The following ATXN7L1 variants were observed in gnomAD, a reference collection of about 807,000 sequenced individuals.
The protein encoded by ATXN7L1 is ataxin 7 like 1.
Under a neutral mutation model 70.8 loss-of-function variants are expected in ATXN7L1, and 15 were observed. The ratio of observed to expected loss-of-function variants is 0.21; its 90% CI spans 0.14 to 0.33. The LOEUF (loss-of-function observed/expected upper bound fraction) is 0.33. ATXN7L1 is among the 10% of genes least tolerant of loss of function. ATXN7L1 has a pLI of 1.00. For synonymous variants in ATXN7L1, 440 were observed against 445.1 expected (o/e 0.99, Z 0.14); for missense variants, 975 against 1,097.1 (o/e 0.89, Z 1.57).
chr7:105,720,289 T>A (rs908683511), intron 3 of ATXN7L1, among the ~76,000 whole-genome samples: 1 of 152,158 alleles, frequency 6.6e-6, no homozygotes, highest in African/African-American at 2.4e-5. Context: ...ATCCCAGCAC[T>A]TTGGGAGGCT....
chr7:105,640,322 G>A (rs1280649405), intron 5 of ATXN7L1, among the ~76,000 whole-genome samples: 2 of 152,034 alleles, frequency 1.3e-5, no homozygotes, highest in African/African-American at 4.8e-5. Flanking sequence ...GGAATAAAAC[G>A]GGGCAGGCTG....
chr7:105,714,722 G>A (rs1053108350), intron 3 of ATXN7L1, among the ~76,000 whole-genome samples: 11 of 152,148 alleles, frequency 7.2e-5, no homozygotes, highest in African/African-American at 2.7e-4. Flanking sequence ...GAGTGCAGTG[G>A]CACCATCTCG....
At chr7:105,746,450 T>A (rs1201897718) in intron 3 of ATXN7L1, among the ~76,000 whole-genome samples, 1 of 152,230 alleles carries the variant, frequency 6.6e-6, no homozygotes, top group African/African-American at 2.4e-5. Context: ...CCCAGGGGCA[T>A]GAGAGCCTGG....
chr7:105,829,035 G>A (rs1010764743), intron 2 of ATXN7L1, among the ~76,000 whole-genome samples: 2 of 152,132 alleles, frequency 1.3e-5, no homozygotes, highest in African/African-American at 4.8e-5. Flanking sequence ...GGGAAGATAA[G>A]CAAATATGTA....
In ATXN7L1 at chr7:105,642,949, G is replaced by A; in HGVS notation, c.751C>T (p.Pro251Ser). 6.4e-7 allele frequency: 1 copy of A among 1,551,664 alleles called. No homozygotes were observed. Among genetic ancestry groups the A allele is most frequent in the Non-Finnish European group, 8.7e-7 (1 of 1,146,974 alleles). ...IKPVLMSKSV[P>S]PSPEKILNGK... ...TTTAAGATCTTCTCTGGTGAAGGTGGCACTGACTTGGACATCAGGACAGGC... is the reference window on the plus strand; with the variant it reads ...TTTAAGATCTTCTCTGGTGAAGGTGACACTGACTTGGACATCAGGACAGGC... The change falls in exon 5 of 12, where the codon CCA becomes TCA. Residue 251 changes from proline (P) to serine (S), a missense_variant. Around this residue, in one of 5 missense-constraint regions of ATXN7L1, gnomAD observed 192 missense variants for 215.5 expected, o/e 0.89. Transcript: ENST00000419735.
intron 2 of ATXN7L1, among the ~76,000 whole-genome samples, chr7:105,861,589 G>C (rs1406955892): frequency 6.6e-6 from 1 of 152,064 alleles, no homozygotes; most frequent in Non-Finnish European, 1.5e-5. Context: ...GGGCTGTCTG[G>C]TGCGGCACCC....
chr7:105,847,452 C>T (rs1429813831), intron 2 of ATXN7L1, among the ~76,000 whole-genome samples: 6 of 152,176 alleles, frequency 3.9e-5, no homozygotes, highest in Admixed American at 6.5e-5. Flanking sequence ...GCCTAGAGAA[C>T]AGGTCCAGCT....
chr7:105,652,561 C>T (rs1357712261), intron 4 of ATXN7L1, among the ~76,000 whole-genome samples: 2 of 152,168 alleles, frequency 1.3e-5, no homozygotes, highest in African/African-American at 2.4e-5. Flanking sequence ...TCCTGCTGTT[C>T]GAGCTGTAGG....
intron 3 of ATXN7L1, among the ~76,000 whole-genome samples, chr7:105,726,703 C>G (rs1300126571): frequency 6.6e-6 from 1 of 152,162 alleles, no homozygotes; most frequent in Admixed American, 6.5e-5. Context: ...AGTGAATGAA[C>G]TCATGAGCTT....
At position 105,607,053 on chromosome 7, in the gene ATXN7L1, C is replaced by G. The variant is rs1187022095; in HGVS notation, c.*799G>C. The G allele has an allele frequency of 6.6e-6, 1 of 152,438 alleles. No individual in the cohort carries two copies. The highest frequency in any genetic ancestry group is 1.5e-5 in the Non-Finnish European group (1 of 68,300). 9.4% of individuals were successfully genotyped at this position (152,438 alleles called of 1,614,324 possible). On this transcript the variant is annotated 3_prime_UTR_variant, in exon 12 of 12. Coordinates refer to ENST00000419735, the MANE Select transcript of ATXN7L1 (RefSeq NM_020725.2). ...TGACCAGCTCAGACCACCACAGTCT[C>G]CAGTTTTTTTAGGGATCATCTCCTA...
chr7:105,798,845 G>T (rs1806379143), intron 2 of ATXN7L1, among the ~76,000 whole-genome samples: 1 of 152,224 alleles, frequency 6.6e-6, no homozygotes, highest in Non-Finnish European at 1.5e-5. Context: ...ATGAAAAAAA[G>T]ATAGGAATCC....
chr7:105,800,899 C>G (rs747047370), intron 2 of ATXN7L1, among the ~76,000 whole-genome samples: 2 of 152,144 alleles, frequency 1.3e-5, no homozygotes, highest in Admixed American at 6.5e-5. Context: ...AGCCTGAATT[C>G]GCTAAGTAAA....
intron 2 of ATXN7L1, among the ~76,000 whole-genome samples, chr7:105,795,036 A>G (rs1244008717): frequency 6.6e-6 from 1 of 152,154 alleles, no homozygotes; most frequent in Non-Finnish European, 1.5e-5. Context: ...CTGCTTCCCA[A>G]TAGCACTGAG....
chr7:105,641,328 G>A (rs897757945), intron 5 of ATXN7L1, among the ~76,000 whole-genome samples: 18 of 123,132 alleles, frequency 1.5e-4, no homozygotes, highest in Non-Finnish European at 2.6e-4. Flanking sequence ...CTGGTGTGGT[G>A]TTTTTTTTTT....
At chr7:105,649,442 C>T (rs1799541697) in intron 4 of ATXN7L1, 2 of 987,818 alleles carry the variant, frequency 2.0e-6, no homozygotes, top group Non-Finnish European at 1.2e-6. Flanking sequence ...TTGCCCACGT[C>T]TTCTTCCTTT....
In ATXN7L1 at chr7:105,614,324, C is replaced by G; in HGVS notation, c.2010G>C (p.Leu670=). 22 of 1,552,268 alleles carry G rather than the reference C, an allele frequency of 1.4e-5. No homozygotes were observed. The highest frequency in any genetic ancestry group is 1.9e-5 in the Non-Finnish European group (22 of 1,147,138). Residue 670 remains leucine (L), a synonymous_variant, in exon 10 of 12, where the codon CTG becomes CTC. Transcript: ENST00000419735. This position sits in a 1 kb window ranked among gnomAD's most constrained non-coding sequence, Gnocchi z 4.3. ...SSLQTSLSSP[L]SGPHKKNCVL... ...CACAGTTCTTTTTGTGAGGCCCTGA[C>G]AGTGGAGACGAGAGGGATGTCTGCA...
intron 2 of ATXN7L1, among the ~76,000 whole-genome samples, chr7:105,809,991 C>T (rs149771314): frequency 2.6e-4 from 39 of 152,272 alleles, no homozygotes; most frequent in African/African-American, 6.3e-4. Flanking sequence ...AGGCTGGCCT[C>T]GAATTCCAGG....
At chr7:105,709,011 A>G (rs73411042) in intron 3 of ATXN7L1, among the ~76,000 whole-genome samples, 8,450 of 152,310 alleles carry the variant, frequency 0.055, 281 homozygotes, top group Admixed American at 0.072. Context: ...CTGTAGGTCA[A>G]TGTATTTTAA....
chr7:105,813,235 G>A lies in ATXN7L1; in HGVS notation c.251-24527C>T, dbSNP rs546463889. ...AATATTTCCTGGCCTCCCAGCCCAG[G>A]AGAAAAGGAGATGGGATTTCTCTGG... is the stretch of plus-strand genomic sequence containing the variant. On this transcript the variant is annotated intron_variant, in intron 2 of 11. Transcript: ENST00000419735. 3.9e-5 allele frequency among the ~76,000 whole-genome samples: 6 copies of A among 152,252 alleles called. No individual in the cohort carries two copies. In the East Asian group the frequency reaches 7.7e-4, roughly 20 times the overall value.
Sources: gnomAD v4.1 joint callset for allele counts (sites outside exome capture counted in the v4.1 genomes callset) on GRCh38, gnomAD v4.1.1 for gene constraint, gnomAD v4.1.1 regional missense constraint, Gnocchi (gnomAD v3.1) non-coding constraint, MANE v1.5 for transcripts, NCBI Gene and HGNC (gene_info 2026-07-23, HGNC 2026-07-21) for gene names.